Variants in AKAP13 observed in about 807,000 individuals in gnomAD.
AKAP13 encodes the protein A-kinase anchor protein 13.
In AKAP13, 80 loss-of-function variants were observed where a neutral mutation model predicts 264.5. The observed-to-expected ratio is 0.30, with a 90% CI of 0.25 to 0.36. AKAP13 has a LOEUF of 0.36. Ranked by LOEUF, AKAP13 falls within the 10% of genes least tolerant of loss-of-function variation. The probability of loss-of-function intolerance (pLI) is 1.00; values close to 1 mark genes in which losing one functional copy is unlikely to be tolerated. For synonymous variants in AKAP13, 1,380 were observed against 1,250.2 expected (o/e 1.10, Z -2.19); for missense variants, 3,712 against 3,435.2 (o/e 1.08, Z -2.01).
intron 4 of AKAP13, among the ~76,000 whole-genome samples, chr15:85,543,519 C>G (rs916516044): frequency 6.6e-6 from 1 of 152,162 alleles, no homozygotes; most frequent in Non-Finnish European, 1.5e-5. Flanking sequence ...TGTCCTGATT[C>G]TCTTTTGCAG....
chr15:85,645,768 T>G, intron 9 of AKAP13, 50 bp from the exon 10 acceptor site: 8 of 1,467,866 alleles, frequency 5.5e-6, no homozygotes, highest in Non-Finnish European at 7.1e-6. Context: ...TGTTTTTTGG[T>G]TTTTTTGTTT....
At chr15:85,577,857 A>G in intron 6 of AKAP13, 2 of 982,860 alleles carry the variant, frequency 2.0e-6, no homozygotes, top group Non-Finnish European at 1.2e-6. Flanking sequence ...TGGGGATTAA[A>G]GGACACTGAA....
intron 2 of AKAP13, among the ~76,000 whole-genome samples, chr15:85,486,045 C>T (rs1252385543): frequency 6.6e-6 from 1 of 152,216 alleles, no homozygotes; most frequent in African/African-American, 2.4e-5. Flanking sequence ...ACTGTAGCTT[C>T]TTATTTTTTA....
At chr15:85,496,421 A>G (rs1441644612) in intron 2 of AKAP13, among the ~76,000 whole-genome samples, 3 of 152,218 alleles carry the variant, frequency 2.0e-5, no homozygotes, top group Non-Finnish European at 4.4e-5. Flanking sequence ...GAAGACGAGC[A>G]TGCAAACGGA....
chr15:85,695,123 G>A (rs904563668), intron 17 of AKAP13, among the ~76,000 whole-genome samples: 2 of 152,054 alleles, frequency 1.3e-5, no homozygotes, highest in African/African-American at 2.4e-5. Flanking sequence ...AGTGTATTTG[G>A]GCCAGGCGTG....
intron 2 of AKAP13, among the ~76,000 whole-genome samples, chr15:85,519,714 C>CTCCA (rs1279264880): frequency 1.3e-5 from 2 of 152,124 alleles, no homozygotes; most frequent in African/African-American, 4.8e-5. Context: ...CTGTTGAATG[C>CTCCA]TCCACTGTGG....
chr15:85,737,395 A>G (rs1368674783), intron 33 of AKAP13, among the ~76,000 whole-genome samples: 1 of 152,162 alleles, frequency 6.6e-6, no homozygotes, highest in African/African-American at 2.4e-5. Flanking sequence ...TGACTTTGTA[A>G]GCAGAATAGA....
At chr15:85,693,572 T>A in intron 17 of AKAP13, 121 bp downstream of exon 17, 1 of 1,468,194 alleles carries the variant, frequency 6.8e-7, no homozygotes, top group East Asian at 2.5e-5. Context: ...TAACCCTTTT[T>A]ATATCTTTCT....
chr15:85,676,865 A>G, intron 14 of AKAP13: 2 of 837,760 alleles, frequency 2.4e-6, no homozygotes, highest in Non-Finnish European at 2.9e-6. Flanking sequence ...TCACCTAGAC[A>G]GCATTTCCCG....
chr15:85,719,188 G>A lies in AKAP13; in HGVS notation c.6114G>A (p.Leu2038=). 1 of 1,614,200 alleles carries A rather than the reference G, an allele frequency of 6.2e-7. No individual in the cohort carries two copies. The highest frequency in any genetic ancestry group is 1.3e-5 in the African/African-American group (1 of 75,044). ...LLFEQQMVEK[L]FPCLDELISI... ...TTGAGCAGCAGATGGTAGAAAAGCT[G>A]TTCCCCTGTTTGGATGAGCTGATCA... Residue 2038 remains leucine, a synonymous_variant, in exon 23 of 37, where the codon CTG becomes CTA. Coordinates refer to ENST00000394518, the MANE Select transcript of AKAP13 (RefSeq NM_007200.5).
intron 1 of AKAP13, among the ~76,000 whole-genome samples, chr15:85,461,190 A>G (rs1489413580): frequency 1.3e-5 from 2 of 152,118 alleles, no homozygotes; most frequent in East Asian, 1.9e-4. Context: ...ATCTTGGCTC[A>G]CTGCAACCTC....
At position 85,679,849 on chromosome 15, in the gene AKAP13, T is replaced by C. The variant is rs149552030; in HGVS notation, c.5102-2309T>C. On this transcript the variant is annotated intron_variant, in intron 14 of 36. Transcript: ENST00000394518. Reference sequence around the variant, plus strand: ...ATTTATTTTGTCCATAATTTTGTCATGGAAGTAGCATTGGTTGTTTTCTAC... The same window carrying C: ...ATTTATTTTGTCCATAATTTTGTCACGGAAGTAGCATTGGTTGTTTTCTAC... Among the ~76,000 whole-genome samples the C allele has an allele frequency of 1.9e-3, 288 of 152,360 alleles. 1 individual carries two copies. The highest frequency in any genetic ancestry group is 6.6e-3 in the African/African-American group (273 of 41,588).
At chr15:85,484,503 C>G (rs989739707) in intron 1 of AKAP13, among the ~76,000 whole-genome samples, 4 of 152,202 alleles carry the variant, frequency 2.6e-5, no homozygotes, top group Non-Finnish European at 4.4e-5. Context: ...GGGAAAGCCA[C>G]TTGCTTGTCA....
intron 1 of AKAP13, among the ~76,000 whole-genome samples, chr15:85,403,813 A>G (rs557519355): frequency 6.6e-6 from 1 of 150,490 alleles, no homozygotes; most frequent in Non-Finnish European, 1.5e-5. Context: ...ACACCATCGC[A>G]TGCCATCCTG....
intron 15 of AKAP13, 104 bp downstream of exon 15, chr15:85,682,316 T>G: frequency 8.4e-7 from 1 of 1,184,772 alleles, no homozygotes; most frequent in Non-Finnish European, 1.2e-6. Flanking sequence ...GCTTATTGGG[T>G]TCTTCTTTGA....
At chr15:85,589,521 T>C (rs62023931) in intron 8 of AKAP13, among the ~76,000 whole-genome samples, 30,614 of 150,892 alleles carry the variant, frequency 0.2, 4,113 homozygotes, top group Middle Eastern at 0.41. Context: ...TTTGGGAGGC[T>C]GAGGCAGGCG....
chr15:85,485,516 T>G (rs751934403), intron 1 of AKAP13, among the ~76,000 whole-genome samples, 194 bp from the exon 2 acceptor site: 2 of 152,232 alleles, frequency 1.3e-5, no homozygotes, highest in African/African-American at 4.8e-5. Flanking sequence ...TTGAAAAGAT[T>G]GAGTCTGGGA....
chr15:85,568,490 TG>T (rs1179198931), intron 5 of AKAP13, among the ~76,000 whole-genome samples: 1 of 152,114 alleles, frequency 6.6e-6, no homozygotes, highest in African/African-American at 2.4e-5. Flanking sequence ...GGCTGCAGAA[TG>T]GGGTATAAGA....
chr15:85,455,476 G>A (rs545871377), intron 1 of AKAP13, among the ~76,000 whole-genome samples: 5 of 152,090 alleles, frequency 3.3e-5, no homozygotes, highest in Non-Finnish European at 5.9e-5. Context: ...CATGAGCGGC[G>A]GGAGGGGAAT....
Sources: gnomAD v4.1 joint callset for allele counts (sites outside exome capture counted in the v4.1 genomes callset) on GRCh38, gnomAD v4.1.1 for gene constraint, MANE v1.5 for transcripts, NCBI Gene and HGNC (gene_info 2026-07-23, HGNC 2026-07-21) for gene names.